ENPP1: variants seen among roughly 807,000 people sequenced by gnomAD.
ENPP1 encodes the protein ectonucleotide pyrophosphatase/phosphodiesterase 1, also known as ectonucleotide pyrophosphatase/phosphodiesterase family member 1.
ENPP1 carries 73 observed loss-of-function variants against 122.8 expected under a neutral mutation model. That is an observed-to-expected ratio of 0.59 (90% CI 0.49 to 0.72). The LOEUF (loss-of-function observed/expected upper bound fraction) is 0.72, where lower values mean the gene tolerates loss of function less well. Among genes scored for constraint, ENPP1 ranks in the 30% least tolerant of loss-of-function variants. ENPP1 has a pLI of 0.00. For synonymous variants in ENPP1, 367 were observed against 391.6 expected (o/e 0.94, Z 0.74); for missense variants, 978 against 1,128.1 (o/e 0.87, Z 1.91).
At chr6:131,864,752 G>T in intron 10 of ENPP1, 114 bp from the exon 11 acceptor site, 2 of 826,988 alleles carry the variant, frequency 2.4e-6, no homozygotes, top group South Asian at 2.9e-5. Flanking sequence ...TTTCTCAGTA[G>T]AACTGTTACA....
In ENPP1 at chr6:131,880,004, C is replaced by T; in HGVS notation, c.2070C>T (p.Pro690=). ...GATACAGCCAAGACATCTTAATGCC[C>T]CTTTGGACATCCTATACCGTGGACA... ...MSGYSQDILM[P]LWTSYTVDRN... is the part of the protein sequence containing the mutation. The change falls in exon 20 of 25, where the codon CCC becomes CCT. Residue 690 remains proline, a synonymous_variant. Coordinates refer to ENST00000647893, the MANE Select transcript of ENPP1 (RefSeq NM_006208.3). 6.2e-7 allele frequency: 1 copy of T among 1,614,076 alleles called. No individual in the cohort carries two copies. The highest frequency in any genetic ancestry group is 8.5e-7 in the Non-Finnish European group (1 of 1,179,962).
At chr6:131,819,947 T>G (rs543279537) in intron 1 of ENPP1, 2 of 562,210 alleles carry the variant, frequency 3.6e-6, no homozygotes, top group East Asian at 4.6e-5. Context: ...TTCTTTTTTT[T>G]TTTTTTCGCA....
At chr6:131,851,014 G>A (rs1485390629) in intron 3 of ENPP1, 128 bp from the exon 4 acceptor site, 7 of 1,030,570 alleles carry the variant, frequency 6.8e-6, no homozygotes, top group African/African-American at 6.3e-5. Flanking sequence ...GATTCTGTGA[G>A]TGACTAAGAG....
At chr6:131,827,401 A>G (rs1416767186) in intron 1 of ENPP1, 3 of 747,444 alleles carry the variant, frequency 4.0e-6, no homozygotes, top group South Asian at 2.9e-5. Context: ...TGCTTCATGG[A>G]TCTCCTCAGC....
At chr6:131,813,811 T>C (rs9493104) in intron 1 of ENPP1, among the ~76,000 whole-genome samples, 152,239 of 152,306 alleles carry the variant, frequency 1, 76,086 homozygotes, top group Middle Eastern at 1. Context: ...TCTCTGGGGT[T>C]TCCTTGGCAG....
chr6:131,815,263 C>T (rs1781400047), intron 1 of ENPP1, among the ~76,000 whole-genome samples: 1 of 152,146 alleles, frequency 6.6e-6, no homozygotes, highest in Non-Finnish European at 1.5e-5. Context: ...GTGTGGCAGT[C>T]GGCATGTATG....
intron 1 of ENPP1, among the ~76,000 whole-genome samples, chr6:131,834,436 G>T (rs886665746): frequency 6.6e-6 from 1 of 152,184 alleles, no homozygotes; most frequent in South Asian, 2.1e-4. Flanking sequence ...CTCCTGGGCT[G>T]GTGTTACAGG....
intron 1 of ENPP1, among the ~76,000 whole-genome samples, chr6:131,835,756 C>G (rs1028821468): frequency 6.6e-5 from 10 of 152,008 alleles, no homozygotes; most frequent in African/African-American, 2.4e-4. Flanking sequence ...TGTGTTGTTC[C>G]CCCCTCATGT....
At chr6:131,829,203 A>C in intron 1 of ENPP1, among the ~76,000 whole-genome samples, 1 of 152,366 alleles carries the variant, frequency 6.6e-6, no homozygotes, top group South Asian at 2.1e-4. Flanking sequence ...GTTCTGCACC[A>C]TTAATAAAAC....
intron 15 of ENPP1, among the ~76,000 whole-genome samples, chr6:131,873,491 C>G (rs1414625359): frequency 6.6e-6 from 1 of 152,138 alleles, no homozygotes; most frequent in Non-Finnish European, 1.5e-5. Context: ...TACAGTATGT[C>G]TAATTGTGCC....
At chr6:131,883,345 C>CT (rs2114727940) in intron 21 of ENPP1, among the ~76,000 whole-genome samples, 1 of 152,282 alleles carries the variant, frequency 6.6e-6, no homozygotes, top group Admixed American at 6.5e-5. Context: ...CAGATGTTCT[C>CT]TTTTTTCTTT....
intron 1 of ENPP1, chr6:131,819,819 C>G: frequency 2.5e-6 from 1 of 402,346 alleles, no homozygotes; most frequent in Non-Finnish European, 4.8e-6. Context: ...TCCTCATCCA[C>G]CAGCCATTGG....
intron 1 of ENPP1, among the ~76,000 whole-genome samples, chr6:131,832,730 G>A (rs1681001514): frequency 6.6e-6 from 1 of 152,270 alleles, no homozygotes; most frequent in East Asian, 1.9e-4. Context: ...GCATTTAGGG[G>A]CTGGCCAGGC....
intron 1 of ENPP1, among the ~76,000 whole-genome samples, chr6:131,811,549 G>T (rs1470263221): frequency 6.6e-6 from 1 of 152,042 alleles, no homozygotes; most frequent in African/African-American, 2.4e-5. Context: ...GTTTTTAAAG[G>T]AAAAAGGAAG....
intron 22 of ENPP1, 123 bp downstream of exon 22, chr6:131,883,897 G>T (rs1782344360): frequency 3.3e-6 from 2 of 614,504 alleles, no homozygotes; most frequent in South Asian, 3.9e-5. Context: ...ATTCTTAAAG[G>T]TTTAACTTTG....
At position 131,893,087 on chromosome 6, in the gene ENPP1, G is replaced by A. The variant is rs1782491843; in HGVS notation, c.*2576G>A. 6.6e-6 allele frequency: 1 copy of A among 152,022 alleles called. No individual in the cohort carries two copies. Among genetic ancestry groups the A allele is most frequent in the Admixed American group, 6.6e-5 (1 of 15,250 alleles). The allele number at this position is 152,022 out of a possible 1,614,324, so 9.4% of individuals were successfully genotyped here. On this transcript the variant is annotated 3_prime_UTR_variant, in exon 25 of 25. Coordinates refer to ENST00000647893, the MANE Select transcript of ENPP1 (RefSeq NM_006208.3). ...TTGCTGTGTTTTAATATAATATCCAGGATTTTTATATGCATTTAGCAGAAG... is the reference window on the plus strand; with the variant it reads ...TTGCTGTGTTTTAATATAATATCCAAGATTTTTATATGCATTTAGCAGAAG...
intron 1 of ENPP1, among the ~76,000 whole-genome samples, chr6:131,831,114 CAAAA>C (rs3036850): frequency 0.24 from 14,118 of 58,818 alleles, 360 homozygotes; most frequent in Middle Eastern, 0.34. Flanking sequence ...GCCCATCTCT[CAAAA>C]AAAAAAAAAA....
intron 1 of ENPP1, chr6:131,820,492 C>T (rs1216829058): frequency 6.5e-6 from 1 of 153,058 alleles, no homozygotes; most frequent in African/African-American, 2.4e-5. Context: ...TGACCATCTC[C>T]CATAGATGAG....
At chr6:131,882,740 TA>T (rs1331594465) in intron 21 of ENPP1, among the ~76,000 whole-genome samples, 1 of 150,646 alleles carries the variant, frequency 6.6e-6, no homozygotes, top group Non-Finnish European at 1.5e-5. Flanking sequence ...GGAAAAATTT[TA>T]ATCATCTAAA....
Sources: allele counts gnomAD v4.1 joint callset (sites outside exome capture counted in the v4.1 genomes callset), GRCh38; gene constraint gnomAD v4.1.1; transcripts MANE v1.5; gene names NCBI Gene and HGNC (gene_info 2026-07-23, HGNC 2026-07-21).